The following ACVR2A variants were observed in gnomAD, a reference collection of about 807,000 sequenced individuals.
ACVR2A encodes activin receptor type-2A.
Under a neutral mutation model 61.4 loss-of-function variants are expected in ACVR2A, and 7 were observed. The ratio of observed to expected loss-of-function variants is 0.11; its 90% CI spans 0.06 to 0.21. The LOEUF (loss-of-function observed/expected upper bound fraction) is 0.21. Among genes scored for constraint, ACVR2A ranks in the 10% least tolerant of loss-of-function variants. The probability of loss-of-function intolerance (pLI) is 1.00; values close to 1 mark genes in which losing one functional copy is unlikely to be tolerated. For missense variants in ACVR2A, 322 were observed against 621.7 expected (o/e 0.52, Z 5.13); for synonymous variants, 193 against 208.3 (o/e 0.93, Z 0.63).
At chr2:147,899,397 C>G in intron 2 of ACVR2A, 61 bp from the exon 3 acceptor site, 1 of 1,048,072 alleles carries the variant, frequency 9.5e-7, no homozygotes, top group Non-Finnish European at 1.3e-6. Flanking sequence ...AATAAAAACA[C>G]TTGTTGTAGG....
intron 1 of ACVR2A, among the ~76,000 whole-genome samples, chr2:147,886,728 T>A (rs1437996624): frequency 2.0e-5 from 3 of 152,074 alleles, no homozygotes; most frequent in Non-Finnish European, 4.4e-5. Flanking sequence ...CTGTTTGTGT[T>A]AAGAACTCAA....
chr2:147,900,454 T>C (rs1686843925), intron 4 of ACVR2A: 1 of 151,800 alleles, frequency 6.6e-6, no homozygotes, highest in African/African-American at 2.4e-5. Flanking sequence ...AGATCAAGTA[T>C]TTTTTTTGGT....
chr2:147,892,182 G>A (rs1256029378), intron 1 of ACVR2A, among the ~76,000 whole-genome samples: 1 of 152,008 alleles, frequency 6.6e-6, no homozygotes, highest in African/African-American at 2.4e-5. Flanking sequence ...ATGTTGGCCA[G>A]GCTGGTCTCA....
upstream of ACVR2A, chr2:147,844,979 T>TTC (rs1434721505): frequency 1.2e-5 from 5 of 407,246 alleles, no homozygotes; most frequent in South Asian, 1.5e-4. Flanking sequence ...TTTTTTCTTT[T>TTC]TTTTTTTTAA....
Position 147,920,311 on chromosome 2 carries a change from G to A in ACVR2A, c.1044G>A (p.Glu348=), listed in dbSNP as rs1474907436. 1 of 1,613,534 alleles carries A rather than the reference G, an allele frequency of 6.2e-7. No individual in the cohort carries two copies. Among genetic ancestry groups the A allele is most frequent in the African/African-American group, 1.3e-5 (1 of 74,992 alleles). The change falls in exon 8 of 11, where the codon GAG becomes GAA. Residue 348 remains glutamate, a synonymous_variant. Coordinates refer to ENST00000241416, the MANE Select transcript of ACVR2A (RefSeq NM_001616.5). The part of the protein sequence containing the change: ...IADFGLALKF[E]AGKSAGDTHG... Reference sequence around the variant, plus strand: ...ACTTTGGGTTGGCCTTAAAATTTGAGGCTGGCAAGTCTGCAGGCGATACCC... The same window carrying A: ...ACTTTGGGTTGGCCTTAAAATTTGAAGCTGGCAAGTCTGCAGGCGATACCC...
intron 2 of ACVR2A, chr2:147,896,982 C>A (rs1378674132): frequency 8.6e-6 from 1 of 115,632 alleles, no homozygotes; most frequent in Non-Finnish European, 1.6e-5. Context: ...TTTTTTCTTG[C>A]AAAGTAGGCC....
intron 1 of ACVR2A, among the ~76,000 whole-genome samples, chr2:147,892,441 C>G (rs926699383): frequency 4.9e-5 from 6 of 121,632 alleles, no homozygotes; most frequent in Middle Eastern, 4.5e-3. Flanking sequence ...CCACTGTTCT[C>G]AAACTTTTTA....
At position 147,899,579 on chromosome 2, in the gene ACVR2A, G is replaced by A; in HGVS notation, c.373+12G>A. Reference sequence around the variant, plus strand: ...GGAAGTCACACAGCGTAAGTTCACAGGGAAAATACGTAGGTTTGCTCAACT... The same window carrying A: ...GGAAGTCACACAGCGTAAGTTCACAAGGAAAATACGTAGGTTTGCTCAACT... On this transcript the variant is annotated intron_variant, in intron 3 of 10. Transcript: ENST00000241416. The A allele has an allele frequency of 6.2e-7, 1 of 1,607,088 alleles. No homozygotes were observed. Among genetic ancestry groups the A allele is most frequent in the Non-Finnish European group, 8.5e-7 (1 of 1,174,880 alleles).
chr2:147,893,638 G>A (rs920156756), intron 1 of ACVR2A, among the ~76,000 whole-genome samples: 5 of 152,106 alleles, frequency 3.3e-5, no homozygotes, highest in Non-Finnish European at 7.4e-5. Flanking sequence ...TGATAATATT[G>A]GGTAGCTTTT....
chr2:147,914,503 C>T (rs534953978), intron 4 of ACVR2A, among the ~76,000 whole-genome samples: 3 of 152,070 alleles, frequency 2.0e-5, no homozygotes, highest in Admixed American at 6.6e-5. Context: ...CACTTCTTTT[C>T]TGGATTTTTA....
intron 1 of ACVR2A, among the ~76,000 whole-genome samples, chr2:147,892,757 A>T (rs936590885): frequency 2.6e-5 from 4 of 151,874 alleles, no homozygotes; most frequent in African/African-American, 9.7e-5. Flanking sequence ...AAGCATATGA[A>T]GGAAATCTGG....
chr2:147,908,563 A>G (rs749694189), intron 4 of ACVR2A, among the ~76,000 whole-genome samples: 4 of 152,170 alleles, frequency 2.6e-5, no homozygotes, highest in Admixed American at 6.6e-5. Flanking sequence ...CTCTTAATGT[A>G]TGTCTTGCTT....
In ACVR2A at chr2:147,872,036, G is replaced by A. The variant is rs372898029; in HGVS notation, c.56-24265G>A. On this transcript the variant is annotated intron_variant, in intron 1 of 10. Coordinates refer to ENST00000241416, the MANE Select transcript of ACVR2A (RefSeq NM_001616.5). ...TGCAAGTTCTTTTACCCAACATAGT[G>A]ACAAACCTGATCACGTATTTTCCAT... Among the ~76,000 whole-genome samples the A allele has an allele frequency of 3.9e-5, 6 of 152,126 alleles. No homozygotes were observed. In the East Asian group the frequency reaches 7.7e-4, roughly 20 times the overall value.
At chr2:147,914,848 T>C (rs953992465) in intron 4 of ACVR2A, among the ~76,000 whole-genome samples, 4 of 152,008 alleles carry the variant, frequency 2.6e-5, no homozygotes, top group Admixed American at 2.6e-4. Flanking sequence ...ACACACTGGA[T>C]GAAACAAATG....
intron 6 of ACVR2A, among the ~76,000 whole-genome samples, chr2:147,918,168 T>TAA (rs375180102): frequency 5.1e-5 from 7 of 136,474 alleles, no homozygotes; most frequent in Admixed American, 7.4e-5. Flanking sequence ...AACTAGTCTT[T>TAA]AAAAAAAAAA....
At chr2:147,905,836 C>G (rs950402566) in intron 4 of ACVR2A, among the ~76,000 whole-genome samples, 1 of 151,644 alleles carries the variant, frequency 6.6e-6, no homozygotes, top group African/African-American at 2.4e-5. Flanking sequence ...AATTCTGTGT[C>G]CAAAAGCAAA....
chr2:147,846,887 A>G (rs1413672039), intron 1 of ACVR2A, among the ~76,000 whole-genome samples: 2 of 152,204 alleles, frequency 1.3e-5, no homozygotes, highest in Non-Finnish European at 2.9e-5. Context: ...GCCACTGACC[A>G]AGGAATTGTG....
At chr2:147,864,468 G>A (rs903651416) in intron 1 of ACVR2A, among the ~76,000 whole-genome samples, 6 of 152,110 alleles carry the variant, frequency 3.9e-5, no homozygotes, top group Admixed American at 2.0e-4. Flanking sequence ...CTGACCTGGT[G>A]ATCCGCCTAC....
At chr2:147,894,893 A>G (rs1262391309) in intron 1 of ACVR2A, among the ~76,000 whole-genome samples, 2 of 152,120 alleles carry the variant, frequency 1.3e-5, no homozygotes, top group East Asian at 1.9e-4. Context: ...CAACCATTGT[A>G]CAGTTGATCC....
Sources: gnomAD v4.1 joint callset for allele counts (sites outside exome capture counted in the v4.1 genomes callset) on GRCh38, gnomAD v4.1.1 for gene constraint, MANE v1.5 for transcripts, NCBI Gene and HGNC (gene_info 2026-07-23, HGNC 2026-07-21) for gene names.